PNISR: variants seen among roughly 807,000 people sequenced by gnomAD.
PNISR encodes the protein PNN interacting serine and arginine rich protein, also known as arginine/serine-rich protein PNISR.
PNISR carries 20 observed loss-of-function variants against 93.4 expected under a neutral mutation model. That is an observed-to-expected ratio of 0.21 (90% CI 0.15 to 0.31). The LOEUF is 0.31. PNISR is among the 10% of genes least tolerant of loss of function. PNISR has a pLI of 1.00. For synonymous variants in PNISR, 305 were observed against 306.5 expected (o/e 0.99, Z 0.05); for missense variants, 893 against 985.4 (o/e 0.91, Z 1.25).
At chr6:99,407,818 G>A (rs978547846) in intron 7 of PNISR, among the ~76,000 whole-genome samples, 3 of 152,154 alleles carry the variant, frequency 2.0e-5, no homozygotes, top group Non-Finnish European at 4.4e-5. Flanking sequence ...GGAGTCATCT[G>A]TACCACAATG....
At chr6:99,415,914 T>C (rs929596028) in intron 2 of PNISR, 2 of 152,518 alleles carry the variant, frequency 1.3e-5, no homozygotes, top group African/African-American at 4.8e-5. Context: ...CAGAATGCCA[T>C]ACAGGTATAG....
chr6:99,412,057 AACAC>A (rs1203218908), intron 4 of PNISR: 1 of 310,644 alleles, frequency 3.2e-6, no homozygotes, highest in East Asian at 7.6e-5. Flanking sequence ...AAAAAAGTAA[AACAC>A]ACAAAAACTT....
rs140778501 is a variant in PNISR, at chr6:99,419,519, A to G, written c.-111-3091T>C. Among the ~76,000 whole-genome samples, 295 of 152,314 alleles carry G rather than the reference A, an allele frequency of 1.9e-3. 1 individual carries two copies. The highest frequency in any genetic ancestry group is 6.4e-3 in the African/African-American group (267 of 41,578). ...TGTCCCTTTTCTACAAAATTTTAAT[A>G]TAAGTCCAAATTTCATTTTCATGAC... is the stretch of plus-strand genomic sequence containing the variant. On this transcript the variant is annotated intron_variant, in intron 1 of 11. Coordinates refer to ENST00000369239, the MANE Select transcript of PNISR (RefSeq NM_032870.4).
At position 99,425,258 on chromosome 6, in the gene PNISR, C is replaced by T. The variant is rs1779360571; in HGVS notation, c.-155G>A. ...ACCCTTGTCGCCGCCGTTCCGGTAACACCTCTCCAACGCTTTCGATGCTTC... is the reference window on the plus strand; with the variant it reads ...ACCCTTGTCGCCGCCGTTCCGGTAATACCTCTCCAACGCTTTCGATGCTTC... On this transcript the variant is annotated 5_prime_UTR_variant, in exon 1 of 12. Coordinates refer to ENST00000369239, the MANE Select transcript of PNISR (RefSeq NM_032870.4). 2.4e-6 allele frequency: 3 copies of T among 1,232,180 alleles called. No homozygotes were observed. Among genetic ancestry groups the T allele is most frequent in the South Asian group, 4.1e-5 (1 of 24,324 alleles). The allele number at this position is 1,232,180 out of a possible 1,614,324, so 76.3% of individuals were successfully genotyped here.
chr6:99,412,421 T>C lies in PNISR; in HGVS notation c.277+130A>G, dbSNP rs1777063571. On this transcript the variant is annotated intron_variant, in intron 4 of 11. Transcript: ENST00000369239. ...ACAAAATGTCAAAGTCAAATCAAAT[T>C]GAAAACTGCCTATTCTTTAAGAAGC... is the stretch of plus-strand genomic sequence containing the variant. The C allele has an allele frequency of 4.1e-6, 3 of 740,708 alleles. No individual in the cohort carries two copies. In the Admixed American group the frequency reaches 6.0e-5, roughly 15 times the overall value. 45.9% of individuals were successfully genotyped at this position (740,708 alleles called of 1,614,324 possible).
At position 99,401,516 on chromosome 6, in the gene PNISR, T is replaced by C. The variant is rs762170330; in HGVS notation, c.1442A>G (p.Glu481Gly). 2 of 1,613,168 alleles carry C rather than the reference T, an allele frequency of 1.2e-6. No homozygotes were observed. Among genetic ancestry groups the C allele is most frequent in the Admixed American group, 3.3e-5 (2 of 59,804 alleles). ...GGTTTCATTTGGAGTTCTCTTCTTT[T>C]CATTAACCACATCACCGTCTGCTTC... is the stretch of plus-strand genomic sequence containing the variant. ...AREADGDVVN[E>G]KKRTPNETTS... The change falls in exon 12 of 12, where the codon GAA becomes GGA. Residue 481 changes from glutamate (E) to glycine (G), a missense_variant. Glu to Gly is a moderately conservative substitution (Grantham distance 98). Transcript: ENST00000369239.
At chr6:99,417,625 AC>A (rs1777871460) in intron 1 of PNISR, among the ~76,000 whole-genome samples, 2 of 152,084 alleles carry the variant, frequency 1.3e-5, no homozygotes, top group Admixed American at 1.3e-4. Flanking sequence ...TCCCACCATC[AC>A]TTTTGGTAGC....
chr6:99,401,079 G>C lies in PNISR; in HGVS notation c.1879C>G (p.Arg627Gly). The change falls in exon 12 of 12, where the codon CGA becomes GGA. Residue 627 changes from arginine (R) to glycine (G), a missense_variant. Physicochemically the swap from Arg to Gly is moderately radical, Grantham distance 125. Around this residue, in one of 3 missense-constraint regions of PNISR, gnomAD observed 866 missense variants for 935.1 expected, o/e 0.93. Coordinates refer to ENST00000369239, the MANE Select transcript of PNISR (RefSeq NM_032870.4). ...RRSRSRSRDR[R>G]TNRASRSRSR... ...CTACTGCGACTGGCACGATTGGTTCGTCTATCCCTTGAGCGACTTCTACTT... is the reference window on the plus strand; with the variant it reads ...CTACTGCGACTGGCACGATTGGTTCCTCTATCCCTTGAGCGACTTCTACTT... The C allele has an allele frequency of 6.2e-7, 1 of 1,613,470 alleles. No homozygotes were observed. Among genetic ancestry groups the C allele is most frequent in the Non-Finnish European group, 8.5e-7 (1 of 1,179,948 alleles).
intron 2 of PNISR, chr6:99,415,445 G>A (rs1032323707): frequency 6.6e-5 from 10 of 152,120 alleles, no homozygotes; most frequent in African/African-American, 2.4e-4. Context: ...AAGATGGGAG[G>A]GAAGGTACTT....
intron 3 of PNISR, among the ~76,000 whole-genome samples, chr6:99,414,113 T>C (rs1451875698): frequency 6.6e-6 from 1 of 152,152 alleles, no homozygotes; most frequent in Non-Finnish European, 1.5e-5. Context: ...TGGCCACTAG[T>C]TAACAATTGT....
At chr6:99,417,713 C>T (rs959155735) in intron 1 of PNISR, among the ~76,000 whole-genome samples, 1 of 152,022 alleles carries the variant, frequency 6.6e-6, no homozygotes. Context: ...CGTGTGTAAT[C>T]CCAGCACTTT....
chr6:99,409,410 T>A (rs2128484881), intron 5 of PNISR, 66 bp from the exon 6 acceptor site: 1 of 1,413,856 alleles, frequency 7.1e-7, no homozygotes, highest in Admixed American at 1.9e-5. Context: ...GACACACGTG[T>A]GTTATGAACT....
intron 5 of PNISR, 145 bp from the exon 6 acceptor site, chr6:99,409,489 T>C (rs1380569092): frequency 1.1e-5 from 7 of 658,332 alleles, no homozygotes; most frequent in Non-Finnish European, 1.7e-5. Flanking sequence ...CCGATACTTC[T>C]ATGGTCCCAA....
chr6:99,414,159 T>C (rs1369375177), intron 3 of PNISR, among the ~76,000 whole-genome samples: 2 of 152,228 alleles, frequency 1.3e-5, no homozygotes, highest in African/African-American at 4.8e-5. Flanking sequence ...CCCTATACTC[T>C]TCTACCTTTG....
In PNISR at chr6:99,401,349, T is replaced by C. The variant is rs554617097; in HGVS notation, c.1609A>G (p.Ser537Gly). 6.2e-7 allele frequency: 1 copy of C among 1,614,042 alleles called. No homozygotes were observed. The highest frequency in any genetic ancestry group is 2.2e-5 in the East Asian group (1 of 44,870). The change falls in exon 12 of 12, where the codon AGT becomes GGT. Residue 537 changes from serine to glycine, a missense_variant. Physicochemically the swap from Ser to Gly is moderately conservative, Grantham distance 56. Coordinates refer to ENST00000369239, the MANE Select transcript of PNISR (RefSeq NM_032870.4). ...TSSTVSSSSYSSSSGSSRTSS... is the reference protein window; with the variant it reads ...TSSTVSSSSYGSSSGSSRTSS... ...GTACGACTACTACCTGAGCTAGAACTGTATGAAGAGCTAGAGACAGTACTA... is the reference window on the plus strand; with the variant it reads ...GTACGACTACTACCTGAGCTAGAACCGTATGAAGAGCTAGAGACAGTACTA...
intron 1 of PNISR, among the ~76,000 whole-genome samples, chr6:99,417,424 C>A (rs958898478): frequency 1.3e-5 from 2 of 152,180 alleles, no homozygotes; most frequent in Admixed American, 6.5e-5. Flanking sequence ...TTCAGGATGC[C>A]TACCTACATC....
intron 1 of PNISR, among the ~76,000 whole-genome samples, chr6:99,423,581 T>C (rs889446158): frequency 6.6e-6 from 1 of 152,214 alleles, no homozygotes; most frequent in Non-Finnish European, 1.5e-5. Flanking sequence ...GTATCCTTGA[T>C]AGCATGTGTT....
intron 1 of PNISR, among the ~76,000 whole-genome samples, chr6:99,418,866 T>C (rs1251059116): frequency 2.0e-5 from 3 of 152,096 alleles, no homozygotes; most frequent in Non-Finnish European, 4.4e-5. Context: ...GACAATTTAC[T>C]GGCTGGGCAC....
chr6:99,407,480 T>C (rs761526320), intron 7 of PNISR, among the ~76,000 whole-genome samples: 6 of 152,194 alleles, frequency 3.9e-5, no homozygotes, highest in African/African-American at 1.4e-4. Flanking sequence ...GAAGCAAAAC[T>C]AATACCTGCC....
Sources: gnomAD v4.1 joint callset for allele counts (sites outside exome capture counted in the v4.1 genomes callset) on GRCh38, gnomAD v4.1.1 for gene constraint, gnomAD v4.1.1 regional missense constraint, MANE v1.5 for transcripts, NCBI Gene and HGNC (gene_info 2026-07-23, HGNC 2026-07-21) for gene names.